The following GMDS variants were observed in gnomAD, a reference collection of about 807,000 sequenced individuals.
The protein encoded by GMDS is GDP-mannose 4,6 dehydratase.
GMDS carries 20 observed loss-of-function variants against 49.9 expected under a neutral mutation model. The ratio of observed to expected loss-of-function variants is 0.40; its 90% CI spans 0.28 to 0.58. The LOEUF (loss-of-function observed/expected upper bound fraction) is 0.58. Ranked by LOEUF, GMDS falls within the 20% of genes least tolerant of loss-of-function variation. The pLI, the probability that GMDS is intolerant of heterozygous loss-of-function variation, is 0.42. For missense variants in GMDS, 362 were observed against 481.4 expected (o/e 0.75, Z 2.32); for synonymous variants, 177 against 178.6 (o/e 0.99, Z 0.07).
intron 9 of GMDS, among the ~76,000 whole-genome samples, chr6:1,659,659 C>G (rs183836515): frequency 6.6e-6 from 1 of 152,052 alleles, no homozygotes; most frequent in Non-Finnish European, 1.5e-5. Flanking sequence ...TCTCTCACTG[C>G]CCCCCTGCCC....
chr6:2,063,334 A>G (rs1437597990), intron 4 of GMDS, among the ~76,000 whole-genome samples: 1 of 152,212 alleles, frequency 6.6e-6, no homozygotes, highest in African/African-American at 2.4e-5. Context: ...TAAGGAATTC[A>G]TTTACCTGAA....
chr6:1,707,013 A>G (rs1765764165), intron 9 of GMDS, among the ~76,000 whole-genome samples: 1 of 152,194 alleles, frequency 6.6e-6, no homozygotes, highest in Admixed American at 6.5e-5. Context: ...CCTAACTTAT[A>G]GCCTTCCGAA....
chr6:2,122,046 T>A (rs915803565), intron 2 of GMDS, among the ~76,000 whole-genome samples: 1 of 152,186 alleles, frequency 6.6e-6, no homozygotes, highest in Non-Finnish European at 1.5e-5. Context: ...TATCCCTAAG[T>A]AGGTTGTTTC....
At position 1,833,524 on chromosome 6, in the gene GMDS, C is replaced by T. The variant is rs372934223; in HGVS notation, c.772-90938G>A. Among the ~76,000 whole-genome samples, 86 of 150,404 alleles carry T rather than the reference C, an allele frequency of 5.7e-4. No homozygotes were observed. Among genetic ancestry groups the T allele is most frequent in the African/African-American group, 2.0e-3 (81 of 41,036 alleles). ...TTAAAACTTTTTTTTTTTGCCTTTT[C>T]TTCCTTTCCCTTCTCCTCCCCTTCC... On this transcript the variant is annotated intron_variant, in intron 7 of 10. Transcript: ENST00000380815. This position sits in a 1 kb window ranked among gnomAD's most constrained non-coding sequence, Gnocchi z 4.4.
At chr6:2,052,677 G>A (rs1361151865) in intron 4 of GMDS, among the ~76,000 whole-genome samples, 2 of 152,306 alleles carry the variant, frequency 1.3e-5, no homozygotes, top group East Asian at 1.9e-4. Context: ...GATTATTATG[G>A]TTGCAAGACA....
intron 1 of GMDS, among the ~76,000 whole-genome samples, chr6:2,212,745 T>C (rs1179658554): frequency 6.9e-6 from 1 of 145,366 alleles, no homozygotes; most frequent in Non-Finnish European, 1.5e-5. Flanking sequence ...TTAGAAACAT[T>C]GAGCTTACTA....
intron 9 of GMDS, among the ~76,000 whole-genome samples, chr6:1,634,080 A>G (rs1180228087): frequency 6.6e-6 from 1 of 152,224 alleles, no homozygotes; most frequent in African/African-American, 2.4e-5. Flanking sequence ...ACTCTAATAC[A>G]TAATCCCTCT....
chr6:1,763,422 C>T (rs953780160), intron 7 of GMDS, among the ~76,000 whole-genome samples: 6 of 152,224 alleles, frequency 3.9e-5, no homozygotes, highest in African/African-American at 1.4e-4. Context: ...ACCCCAGCGT[C>T]TCCCCAAGAG....
At chr6:1,798,785 T>C (rs867644584) in intron 7 of GMDS, among the ~76,000 whole-genome samples, 2 of 152,238 alleles carry the variant, frequency 1.3e-5, no homozygotes, top group South Asian at 4.1e-4. Context: ...GGTTTTGGCA[T>C]CGCATACTGT....
intron 6 of GMDS, among the ~76,000 whole-genome samples, chr6:1,955,712 G>C (rs528798339): frequency 6.6e-6 from 1 of 151,242 alleles, no homozygotes; most frequent in East Asian, 1.9e-4. Flanking sequence ...TGTATTACAC[G>C]GTTCTCAAAA....
intron 4 of GMDS, among the ~76,000 whole-genome samples, chr6:2,094,279 T>G (rs1426647442): frequency 6.6e-6 from 1 of 152,232 alleles, no homozygotes; most frequent in Non-Finnish European, 1.5e-5. Flanking sequence ...TTGTTTAATT[T>G]GTATAGACTA....
intron 4 of GMDS, among the ~76,000 whole-genome samples, chr6:2,010,752 A>C (rs1393713156): frequency 6.6e-6 from 1 of 152,228 alleles, no homozygotes; most frequent in Non-Finnish European, 1.5e-5. Context: ...TTCATTTAAA[A>C]ATTGTTTTAA....
chr6:1,639,745 G>A (rs749405008), intron 9 of GMDS, among the ~76,000 whole-genome samples: 4 of 152,238 alleles, frequency 2.6e-5, no homozygotes, highest in Non-Finnish European at 5.9e-5. Flanking sequence ...GGGTGTGGTG[G>A]TGCATGCCTG....
At chr6:1,991,624 C>G in intron 4 of GMDS, among the ~76,000 whole-genome samples, 1 of 152,186 alleles carries the variant, frequency 6.6e-6, no homozygotes. Flanking sequence ...CCCAAATTCT[C>G]CTCTGATCCC....
At chr6:1,937,630 C>T (rs79085094) in intron 6 of GMDS, among the ~76,000 whole-genome samples, 3,927 of 152,316 alleles carry the variant, frequency 0.026, 161 homozygotes, top group East Asian at 0.18. Context: ...CATATTCACA[C>T]CATATGAATA....
chr6:1,958,300 T>C (rs976220695), intron 6 of GMDS, among the ~76,000 whole-genome samples: 1 of 152,066 alleles, frequency 6.6e-6, no homozygotes, highest in Non-Finnish European at 1.5e-5. Context: ...TTTATTTTTT[T>C]TTTGCAGGTG....
intron 4 of GMDS, among the ~76,000 whole-genome samples, chr6:2,090,703 T>G (rs1346512755): frequency 6.6e-6 from 1 of 152,242 alleles, no homozygotes; most frequent in East Asian, 1.9e-4. Context: ...TTTATACTGA[T>G]ACTCTTACTG....
At chr6:1,898,769 T>C (rs564886004) in intron 7 of GMDS, among the ~76,000 whole-genome samples, 56 of 152,352 alleles carry the variant, frequency 3.7e-4, no homozygotes, top group African/African-American at 1.3e-3. Flanking sequence ...AGGAAGGTGC[T>C]GTGAGAATCA....
chr6:1,696,627 G>A (rs1428221225), intron 9 of GMDS, among the ~76,000 whole-genome samples: 1 of 152,230 alleles, frequency 6.6e-6, no homozygotes, highest in Non-Finnish European at 1.5e-5. Flanking sequence ...AGGTAAGGCA[G>A]ACATTATGAT....
Sources: gnomAD v4.1 joint callset for allele counts (sites outside exome capture counted in the v4.1 genomes callset) on GRCh38, gnomAD v4.1.1 for gene constraint, Gnocchi (gnomAD v3.1) non-coding constraint, MANE v1.5 for transcripts, NCBI Gene and HGNC (gene_info 2026-07-23, HGNC 2026-07-21) for gene names.